The following PCDH7 variants were observed in gnomAD, a reference collection of about 807,000 sequenced individuals.
The protein encoded by PCDH7 is protocadherin 7, also known as protocadherin-7.
A neutral mutation model predicts 58.9 loss-of-function variants in PCDH7; 17 were observed. The ratio of observed to expected loss-of-function variants is 0.29; its 90% CI spans 0.20 to 0.43. The LOEUF (loss-of-function observed/expected upper bound fraction) is 0.43. PCDH7 is among the 20% of genes least tolerant of loss of function. The probability of loss-of-function intolerance (pLI) is 1.00; values close to 1 mark genes in which losing one functional copy is unlikely to be tolerated. For synonymous variants in PCDH7, 664 were observed against 616.4 expected, an observed-to-expected ratio of 1.08 and a Z score of -1.14; for missense variants, 1,274 against 1,441.0, an observed-to-expected ratio of 0.88 and a Z score of 1.88.
At chr4:30,894,479 AAAAAAAAAAAAAT>A (rs1361622626) in intron 1 of PCDH7, among the ~76,000 whole-genome samples, 1 of 61,942 alleles carries the variant, frequency 1.6e-5, no homozygotes, top group Non-Finnish European at 2.8e-5. Flanking sequence ...AAAAAAAAAA[AAAAAAAAAAAAAT>A]ATATATATAT....
intron 3 of PCDH7, among the ~76,000 whole-genome samples, chr4:31,074,341 A>G (rs1384468465): frequency 6.6e-6 from 1 of 151,700 alleles, no homozygotes; most frequent in Non-Finnish European, 1.5e-5. Flanking sequence ...GTTTAGTTGA[A>G]TGGATGAAGA....
chr4:31,018,529 C>G (rs896734584), intron 3 of PCDH7, among the ~76,000 whole-genome samples: 1 of 152,130 alleles, frequency 6.6e-6, no homozygotes, highest in African/African-American at 2.4e-5. Flanking sequence ...TGATCATTTT[C>G]AATCCCAAAA....
intron 3 of PCDH7, among the ~76,000 whole-genome samples, chr4:31,058,357 TA>T (rs1447342253): frequency 6.6e-6 from 1 of 152,072 alleles, no homozygotes; most frequent in Admixed American, 6.6e-5. Context: ...TCATCTTAAA[TA>T]ATGTTGATGC....
chr4:30,748,651 T>C (rs1718087690), intron 1 of PCDH7, among the ~76,000 whole-genome samples: 1 of 152,156 alleles, frequency 6.6e-6, no homozygotes, highest in South Asian at 2.1e-4. Context: ...GGCAATTAAG[T>C]TTTTGATATA....
chr4:31,079,966 G>A (rs903020236), intron 3 of PCDH7, among the ~76,000 whole-genome samples: 6 of 152,138 alleles, frequency 3.9e-5, no homozygotes, highest in Non-Finnish European at 8.8e-5. Context: ...GCAGGGATAA[G>A]AGTAAACACT....
intron 1 of PCDH7, among the ~76,000 whole-genome samples, chr4:30,871,845 G>A (rs78003947): frequency 0.012 from 1,858 of 152,132 alleles, 25 homozygotes; most frequent in East Asian, 0.089. Flanking sequence ...CTTGCTGATG[G>A]TGGTGACCCA....
At chr4:31,097,189 G>C (rs1353104123) in intron 3 of PCDH7, among the ~76,000 whole-genome samples, 1 of 152,030 alleles carries the variant, frequency 6.6e-6, no homozygotes, top group East Asian at 1.9e-4. Flanking sequence ...GGGCGCGGTG[G>C]CTCACACCTG....
At chr4:30,807,386 G>A (rs565338538) in intron 1 of PCDH7, among the ~76,000 whole-genome samples, 7 of 152,116 alleles carry the variant, frequency 4.6e-5, no homozygotes, top group Admixed American at 2.6e-4. Flanking sequence ...CATTATTTTC[G>A]AAGCAATGAT....
chr4:30,862,734 A>T (rs1372238149), intron 1 of PCDH7, among the ~76,000 whole-genome samples: 1 of 152,060 alleles, frequency 6.6e-6, no homozygotes, highest in East Asian at 1.9e-4. Flanking sequence ...TCAACAACAA[A>T]AGGGTCATAA....
intron 3 of PCDH7, among the ~76,000 whole-genome samples, chr4:31,124,879 C>G (rs556382597): frequency 1.3e-5 from 2 of 152,152 alleles, no homozygotes; most frequent in Non-Finnish European, 2.9e-5. Flanking sequence ...TGTTGTTAAG[C>G]ATTTATTTCT....
chr4:30,949,991 T>C (rs1747186503), intron 2 of PCDH7: 1 of 152,610 alleles, frequency 6.6e-6, no homozygotes, highest in Admixed American at 6.6e-5. Flanking sequence ...ATATAGATTC[T>C]TTTTTTAAAG....
chr4:30,772,519 G>A (rs1577732698), intron 1 of PCDH7, among the ~76,000 whole-genome samples: 1 of 152,282 alleles, frequency 6.6e-6, no homozygotes, highest in East Asian at 1.9e-4. Context: ...CTGCTACTGT[G>A]TTTGGGTGGC....
At chr4:31,023,939 G>A (rs1051749599) in intron 3 of PCDH7, among the ~76,000 whole-genome samples, 2 of 152,176 alleles carry the variant, frequency 1.3e-5, no homozygotes, top group African/African-American at 4.8e-5. Flanking sequence ...TAGAACTCAA[G>A]GTCAGGGAAT....
chr4:31,013,224 G>A (rs1225161996), intron 3 of PCDH7, among the ~76,000 whole-genome samples: 5 of 149,786 alleles, frequency 3.3e-5, no homozygotes, highest in Admixed American at 6.7e-5. Context: ...TTAAATTAAA[G>A]GAAATAACCA....
intron 3 of PCDH7, among the ~76,000 whole-genome samples, chr4:31,080,582 G>A (rs1276105640): frequency 6.6e-6 from 1 of 152,110 alleles, no homozygotes; most frequent in African/African-American, 2.4e-5. Context: ...ATTAGAGTAA[G>A]ATCGTTCTTT....
At chr4:30,985,777 G>A (rs866878959) in intron 3 of PCDH7, among the ~76,000 whole-genome samples, 1 of 152,136 alleles carries the variant, frequency 6.6e-6, no homozygotes, top group Non-Finnish European at 1.5e-5. Context: ...GCTTTGCACA[G>A]GGATGTATGG....
chr4:30,837,251 A>C (rs1389573636), intron 1 of PCDH7, among the ~76,000 whole-genome samples: 1 of 152,090 alleles, frequency 6.6e-6, no homozygotes, highest in African/African-American at 2.4e-5. Context: ...CCTGCTGGCC[A>C]CCTGCAGTGT....
At chr4:30,974,083 A>G (rs962763788) in intron 3 of PCDH7, among the ~76,000 whole-genome samples, 2 of 151,622 alleles carry the variant, frequency 1.3e-5, no homozygotes, top group Non-Finnish European at 2.9e-5. Flanking sequence ...ATGTTTTCTT[A>G]TTTCTCATGC....
At position 30,748,769 on chromosome 4, in the gene PCDH7, T is replaced by C. The variant is rs190232814; in HGVS notation, c.70+24173T>C. 4.5e-4 allele frequency among the ~76,000 whole-genome samples: 68 copies of C among 152,286 alleles called. 1 individual carries two copies. Among genetic ancestry groups the C allele is most frequent in the Admixed American group, 4.0e-3 (61 of 15,300 alleles). On this transcript the variant is annotated intron_variant, in intron 1 of 3. Coordinates refer to the PCDH7 transcript ENST00000509759. ...TGATATTGGCCATTCAGGGGTGTTG[T>C]GAGGGTTAAATTTGATAATGATGCA...
Sources: gnomAD v4.1 joint callset for allele counts (sites outside exome capture counted in the v4.1 genomes callset) on GRCh38, gnomAD v4.1.1 for gene constraint, MANE v1.5 for transcripts, NCBI Gene and HGNC (gene_info 2026-07-23, HGNC 2026-07-21) for gene names.